GLIS3: variants seen among roughly 807,000 people sequenced by gnomAD.
The protein encoded by GLIS3 is zinc finger protein GLIS3.
In GLIS3, 53 loss-of-function variants were observed where a neutral mutation model predicts 78.6. The observed-to-expected ratio is 0.67, with a 90% CI of 0.54 to 0.85. The LOEUF is 0.85. GLIS3 is among the 40% of genes least tolerant of loss of function. The pLI is 0.00. For synonymous variants in GLIS3, 684 were observed against 509.9 expected (o/e 1.34, Z -4.60); for missense variants, 1,703 against 1,231.1 (o/e 1.38, Z -5.74).
intron 2 of GLIS3, among the ~76,000 whole-genome samples, chr9:4,208,570 C>T (rs535926883): frequency 2.0e-5 from 3 of 152,146 alleles, no homozygotes; most frequent in Admixed American, 1.3e-4. Flanking sequence ...TCTGAAGGCC[C>T]GTTTGGGAGA....
intron 4 of GLIS3, among the ~76,000 whole-genome samples, chr9:4,113,751 G>A (rs1054995037): frequency 6.6e-6 from 1 of 152,160 alleles, no homozygotes; most frequent in Non-Finnish European, 1.5e-5. Flanking sequence ...TGGGGACATG[G>A]TCCCAGCTCT....
intron 4 of GLIS3, among the ~76,000 whole-genome samples, chr9:3,943,394 C>T (rs1816077672): frequency 6.6e-6 from 1 of 152,230 alleles, no homozygotes; most frequent in Non-Finnish European, 1.5e-5. Flanking sequence ...TATATTCTTG[C>T]TTTGCAATTT....
intron 2 of GLIS3, among the ~76,000 whole-genome samples, chr9:4,192,722 A>G (rs1047828208): frequency 6.6e-6 from 1 of 152,198 alleles, no homozygotes; most frequent in Non-Finnish European, 1.5e-5. Context: ...ATAAGAACAC[A>G]GAATAGAACG....
chr9:4,014,153 C>T (rs74754152), intron 4 of GLIS3, among the ~76,000 whole-genome samples: 1 of 152,162 alleles, frequency 6.6e-6, no homozygotes. Flanking sequence ...GGTGGCAAAA[C>T]CAATGGCTGG....
rs192251584 is a variant in GLIS3, at chr9:3,991,896, T to C, written c.1711-54707A>G. Among the ~76,000 whole-genome samples, 508 of 152,146 alleles carry C rather than the reference T, an allele frequency of 3.3e-3. 1 individual carries two copies. The highest frequency in any genetic ancestry group is 4.5e-3 in the Non-Finnish European group (309 of 68,006). On this transcript the variant is annotated intron_variant, in intron 4 of 10. Transcript: ENST00000381971. ...TAGTAGAGACGGGGTTTCACCGTAT[T>C]GGCCAGGACAGTCTTGATCTCCTGA...
intron 4 of GLIS3, among the ~76,000 whole-genome samples, chr9:3,938,477 C>A (rs926194006): frequency 3.3e-5 from 5 of 152,052 alleles, no homozygotes; most frequent in African/African-American, 1.2e-4. Context: ...TGATCTAGAG[C>A]TGGCCAGGTT....
chr9:4,157,744 T>C (rs972899980), intron 2 of GLIS3, among the ~76,000 whole-genome samples: 4 of 152,134 alleles, frequency 2.6e-5, no homozygotes, highest in Non-Finnish European at 5.9e-5. Context: ...AAAGCACATA[T>C]GAGGAGCATG....
rs1053639676 is a variant in GLIS3, at chr9:3,826,661, G to A, written c.*1611C>T. Reference sequence around the variant, plus strand: ...CTCTGGAATCAGGTAGAATACTTCCGCTTGTGGGACTGTGGAGGGAGACTG... The same window carrying A: ...CTCTGGAATCAGGTAGAATACTTCCACTTGTGGGACTGTGGAGGGAGACTG... On this transcript the variant is annotated 3_prime_UTR_variant, in exon 11 of 11. Coordinates refer to ENST00000381971, the MANE Select transcript of GLIS3 (RefSeq NM_001042413.2). 6.6e-6 allele frequency: 1 copy of A among 152,148 alleles called. No individual in the cohort carries two copies. The highest frequency in any genetic ancestry group is 6.5e-5 in the Admixed American group (1 of 15,276). The allele number at this position is 152,148 out of a possible 1,614,324, so 9.4% of individuals were successfully genotyped here.
At chr9:4,338,209 T>C (rs1817782116) in intron 2 of GLIS3, among the ~76,000 whole-genome samples, 1 of 152,206 alleles carries the variant, frequency 6.6e-6, no homozygotes, top group African/African-American at 2.4e-5. Context: ...TTGCTGCTGC[T>C]ATGTGTTGGC....
the GLIS3 span, among the ~76,000 whole-genome samples, chr9:4,437,523 C>A: frequency 6.6e-6 from 1 of 151,854 alleles, no homozygotes; most frequent in Admixed American, 6.6e-5. Context: ...TAATGACATC[C>A]ATTTTACAGA....
chr9:4,076,068 A>G (rs1330197374), intron 4 of GLIS3, among the ~76,000 whole-genome samples: 2 of 152,158 alleles, frequency 1.3e-5, no homozygotes, highest in African/African-American at 4.8e-5. Context: ...AAGGGTACAC[A>G]TTGGTCAAAT....
chr9:4,223,061 G>A (rs972440885), intron 2 of GLIS3, among the ~76,000 whole-genome samples: 2 of 152,110 alleles, frequency 1.3e-5, no homozygotes, highest in African/African-American at 2.4e-5. Context: ...TTTGAGTACA[G>A]ACATCTCCCA....
chr9:4,400,665 A>G, the GLIS3 span, among the ~76,000 whole-genome samples: 1 of 152,242 alleles, frequency 6.6e-6, no homozygotes, highest in African/African-American at 2.4e-5. Flanking sequence ...CACATTGTCT[A>G]AAATGGAATG....
chr9:4,359,059 G>A, the GLIS3 span, among the ~76,000 whole-genome samples: 1 of 152,146 alleles, frequency 6.6e-6, no homozygotes, highest in South Asian at 2.1e-4. Context: ...TCCTGAAAGG[G>A]AGGTTCCAAG....
chr9:4,129,236 C>T (rs749335413), intron 2 of GLIS3, among the ~76,000 whole-genome samples: 12 of 152,088 alleles, frequency 7.9e-5, no homozygotes, highest in Non-Finnish European at 1.5e-4. Flanking sequence ...AGATAGCTTG[C>T]CTGGGATCTG....
intron 2 of GLIS3, among the ~76,000 whole-genome samples, chr9:4,315,368 G>A (rs891045762): frequency 2.6e-5 from 4 of 152,116 alleles, no homozygotes; most frequent in African/African-American, 9.7e-5. Context: ...CTTATTGTTA[G>A]TATTTCAAGG....
chr9:3,991,945 C>T (rs993263887), intron 4 of GLIS3, among the ~76,000 whole-genome samples: 1 of 152,162 alleles, frequency 6.6e-6, no homozygotes, highest in Non-Finnish European at 1.5e-5. Context: ...CCGCCTCGGC[C>T]TCCCAAAGTG....
intron 4 of GLIS3, among the ~76,000 whole-genome samples, chr9:4,098,301 T>C (rs1830115880): frequency 6.6e-6 from 1 of 152,220 alleles, no homozygotes; most frequent in African/African-American, 2.4e-5. Context: ...GACCTTGGTA[T>C]ATTCCTAATG....
chr9:4,448,651 C>A, the GLIS3 span, among the ~76,000 whole-genome samples: 26 of 152,216 alleles, frequency 1.7e-4, no homozygotes, highest in African/African-American at 6.3e-4. Context: ...TTCTGGACAA[C>A]AAACTATAAG....
Sources: allele counts gnomAD v4.1 joint callset (sites outside exome capture counted in the v4.1 genomes callset), GRCh38; gene constraint gnomAD v4.1.1; transcripts MANE v1.5; gene names NCBI Gene and HGNC (gene_info 2026-07-23, HGNC 2026-07-21).